IL1RAPL1: variants seen among roughly 807,000 people sequenced by gnomAD.
IL1RAPL1 encodes the protein interleukin-1 receptor accessory protein-like 1.
A neutral mutation model predicts 48.4 loss-of-function variants in IL1RAPL1; 3 were observed. The observed-to-expected ratio is 0.06, with a 90% CI of 0.03 to 0.16. IL1RAPL1 has a LOEUF of 0.16. Among genes scored for constraint, IL1RAPL1 ranks in the 10% least tolerant of loss-of-function variants. IL1RAPL1 has a pLI of 1.00. For synonymous variants in IL1RAPL1, 185 were observed against 187.7 expected (o/e 0.99, Z 0.12); for missense variants, 349 against 530.6 (o/e 0.66, Z 3.36).
intron 6 of IL1RAPL1, among the ~76,000 whole-genome samples, chrX:29,780,996 A>G (rs1929323794): frequency 1.8e-5 from 2 of 110,990 alleles, no homozygotes; most frequent in Non-Finnish European, 3.8e-5. Flanking sequence ...ATTACCATGA[A>G]TTAAAAAAAC....
chrX:29,329,162 T>TACAC (rs2147632105), intron 3 of IL1RAPL1, among the ~76,000 whole-genome samples: 1 of 110,883 alleles, frequency 9.0e-6, no homozygotes, highest in South Asian at 3.8e-4. Flanking sequence ...CACACACACA[T>TACAC]ACACACACTC....
intron 2 of IL1RAPL1, among the ~76,000 whole-genome samples, chrX:29,081,035 T>TCTCTC (rs1242801637): frequency 1.2e-5 from 1 of 85,287 alleles, no homozygotes; most frequent in African/African-American, 4.4e-5. Context: ...TTTTCTTTTC[T>TCTCTC]TTTCTTTTCT....
chrX:29,901,867 T>C (rs1796619702), intron 6 of IL1RAPL1, among the ~76,000 whole-genome samples: 1 of 112,268 alleles, frequency 8.9e-6, no homozygotes, highest in African/African-American at 3.2e-5. Flanking sequence ...CAAGATGTAA[T>C]CACAAATATT....
At chrX:29,650,772 CAA>C (rs1302057292) in intron 5 of IL1RAPL1, among the ~76,000 whole-genome samples, 1 of 109,996 alleles carries the variant, frequency 9.1e-6, no homozygotes, top group Admixed American at 9.7e-5. Context: ...AAAAAATAGA[CAA>C]ATGGAATTTT....
chrX:29,184,339 AC>A (rs1447320840), intron 2 of IL1RAPL1, among the ~76,000 whole-genome samples: 2 of 111,482 alleles, frequency 1.8e-5, no homozygotes, highest in Middle Eastern at 4.6e-3. Flanking sequence ...ACCAGTGCTC[AC>A]CTGAGGACAT....
chrX:29,918,975 A>G (rs1367338308), intron 7 of IL1RAPL1, among the ~76,000 whole-genome samples: 1 of 112,268 alleles, frequency 8.9e-6, no homozygotes, highest in East Asian at 2.8e-4. Context: ...CTGGGTATAT[A>G]CAAACATTTT....
chrX:29,616,273 T>A (rs1282984299), intron 5 of IL1RAPL1, among the ~76,000 whole-genome samples: 1 of 110,953 alleles, frequency 9.0e-6, no homozygotes, highest in Non-Finnish European at 1.9e-5. Context: ...GTAGCACTGA[T>A]TTGGAGGAAA....
At chrX:29,315,724 G>A (rs1011104502) in intron 3 of IL1RAPL1, among the ~76,000 whole-genome samples, 2 of 111,570 alleles carry the variant, frequency 1.8e-5, no homozygotes, top group African/African-American at 6.5e-5. Context: ...AGCAGTGAGA[G>A]GTTGAATTAG....
At chrX:29,828,895 G>A (rs5928464) in intron 6 of IL1RAPL1, among the ~76,000 whole-genome samples, 65 of 108,997 alleles carry the variant, frequency 6.0e-4, no homozygotes, top group Non-Finnish European at 1.0e-3. Flanking sequence ...GAGTCCTGCC[G>A]GGGGGAAAAA....
intron 5 of IL1RAPL1, among the ~76,000 whole-genome samples, chrX:29,601,882 G>A (rs1923730843): frequency 8.9e-6 from 1 of 112,350 alleles, no homozygotes; most frequent in Non-Finnish European, 1.9e-5. Context: ...GTTTTGATGG[G>A]TGTATTCATA....
chrX:29,903,638 T>G (rs1932546295), intron 6 of IL1RAPL1, among the ~76,000 whole-genome samples: 1 of 112,041 alleles, frequency 8.9e-6, no homozygotes, highest in South Asian at 3.7e-4. Flanking sequence ...AGAACTGTGC[T>G]CCACTTAGCT....
chrX:29,276,680 AG>A (rs1932124776), intron 2 of IL1RAPL1, among the ~76,000 whole-genome samples: 1 of 111,269 alleles, frequency 9.0e-6, no homozygotes, highest in Non-Finnish European at 1.9e-5. Context: ...GAGCTAAATG[AG>A]GTTTTTTTTT....
chrX:29,679,647 A>T (rs769103351), intron 6 of IL1RAPL1, among the ~76,000 whole-genome samples: 43 of 112,077 alleles, frequency 3.8e-4, no homozygotes, highest in South Asian at 1.9e-3. Flanking sequence ...TTATTATTTT[A>T]AAAAAAACCC....
intron 2 of IL1RAPL1, among the ~76,000 whole-genome samples, chrX:28,915,854 T>C (rs1923477314): frequency 9.0e-6 from 1 of 111,060 alleles, no homozygotes; most frequent in South Asian, 3.8e-4. Flanking sequence ...TTCATTTTTT[T>C]TAACTTGGGT....
intron 2 of IL1RAPL1, among the ~76,000 whole-genome samples, chrX:28,968,843 A>C (rs922946175): frequency 8.9e-6 from 1 of 112,780 alleles, no homozygotes; most frequent in Admixed American, 9.3e-5. Flanking sequence ...AACCAGGAAC[A>C]GTGGTGGGAA....
At chrX:29,918,016 G>A (rs1254429619) in intron 7 of IL1RAPL1, among the ~76,000 whole-genome samples, 2 of 98,024 alleles carry the variant, frequency 2.0e-5, no homozygotes, top group Admixed American at 1.2e-4. Flanking sequence ...CGGGCTACTC[G>A]GGAGGCTGAG....
At chrX:28,987,526 A>G (rs943304165) in intron 2 of IL1RAPL1, among the ~76,000 whole-genome samples, 4 of 111,606 alleles carry the variant, frequency 3.6e-5, no homozygotes, top group African/African-American at 9.8e-5. Flanking sequence ...ACACACATAC[A>G]CACACACACT....
At chrX:29,195,847 C>A (rs1397716500) in intron 2 of IL1RAPL1, among the ~76,000 whole-genome samples, 1 of 111,731 alleles carries the variant, frequency 9.0e-6, no homozygotes, top group African/African-American at 3.3e-5. Context: ...AGGCATGAGC[C>A]ACTGCACCCG....
At chrX:29,463,327 A>C (rs1279440413) in intron 5 of IL1RAPL1, among the ~76,000 whole-genome samples, 1 of 111,916 alleles carries the variant, frequency 8.9e-6, no homozygotes, top group Non-Finnish European at 1.9e-5. Context: ...AATTCCAGAA[A>C]AGAAATGACT....
Sources: allele counts gnomAD v4.1 joint callset (sites outside exome capture counted in the v4.1 genomes callset), GRCh38; gene constraint gnomAD v4.1.1; transcripts MANE v1.5; gene names NCBI Gene and HGNC (gene_info 2026-07-23, HGNC 2026-07-21).